CD74: variants seen among roughly 807,000 people sequenced by gnomAD.
CD74 encodes CD74 molecule, also known as HLA class II histocompatibility antigen gamma chain.
In CD74, 20 loss-of-function variants were observed where a neutral mutation model predicts 37.1. The observed-to-expected ratio is 0.54, with a 90% CI of 0.38 to 0.78. The LOEUF (loss-of-function observed/expected upper bound fraction) is 0.78. Among genes scored for constraint, CD74 ranks in the 30% least tolerant of loss-of-function variants. CD74 has a pLI of 0.00. For synonymous variants in CD74, 150 were observed against 152.0 expected, an observed-to-expected ratio of 0.99 and a Z score of 0.10; for missense variants, 338 against 389.5, an observed-to-expected ratio of 0.87 and a Z score of 1.11.
At chr5:150,404,892 C>T in intron 5 of CD74, 125 bp from the exon 6 acceptor site, 3 of 820,212 alleles carry the variant, frequency 3.7e-6, no homozygotes, top group Non-Finnish European at 2.0e-6. Context: ...GGTCCAGCTG[C>T]AGCCTGGTTC....
chr5:150,405,583 G>A (rs1210372308), intron 4 of CD74: 3 of 237,838 alleles, frequency 1.3e-5, no homozygotes, highest in Non-Finnish European at 2.1e-5. Flanking sequence ...CTGGTCACTT[G>A]TCTGTCTCCC....
In CD74 at chr5:150,407,514, C is replaced by G. The variant is rs1271238153; in HGVS notation, c.126-190G>C. Among the ~76,000 whole-genome samples, 3 of 152,174 alleles carry G rather than the reference C, an allele frequency of 2.0e-5. No individual in the cohort carries two copies. In the East Asian group the frequency reaches 5.8e-4, roughly 29 times the overall value. On this transcript the variant is annotated intron_variant, in intron 1 of 8. Transcript: ENST00000009530. The surrounding 1 kb of genome is among the most constrained non-coding windows in gnomAD (Gnocchi z 4.4). The stretch of plus-strand genomic sequence containing the variant: ...ACAGCTTGAAGACCTCACCCCACCC[C>G]TCCTTCCAACCATCGATGTGCCTGA...
chr5:150,410,575 T>G (rs1273665117), intron 1 of CD74, among the ~76,000 whole-genome samples: 1 of 152,110 alleles, frequency 6.6e-6, no homozygotes, highest in African/African-American at 2.4e-5. Flanking sequence ...TCTGCTTTTC[T>G]TCCTCTTTAT....
intron 1 of CD74, among the ~76,000 whole-genome samples, chr5:150,409,751 ATAAAT>A (rs1770228497): frequency 7.0e-6 from 1 of 143,848 alleles, no homozygotes; most frequent in East Asian, 2.0e-4. Context: ...ACTGTGAGAA[ATAAAT>A]TTCTGGGTGT....
In CD74 at chr5:150,401,733, G is replaced by A. The variant is rs1190324089; in HGVS notation, c.*507C>T. On this transcript the variant is annotated 3_prime_UTR_variant, in exon 9 of 9. Coordinates refer to ENST00000009530, the MANE Select transcript of CD74 (RefSeq NM_001025159.3). ...GAGGGAACTAGGGGTCGGCAGAAAG[G>A]ATTATGGGTGGAAAACATTGGCTCT... 1 of 592,860 alleles carries A rather than the reference G, an allele frequency of 1.7e-6. No homozygotes were observed. Among genetic ancestry groups the A allele is most frequent in the East Asian group, 2.8e-5 (1 of 35,880 alleles). The allele number at this position is 592,860 out of a possible 1,614,324, so 36.7% of individuals were successfully genotyped here.
At position 150,402,271 on chromosome 5, in the gene CD74, T is replaced by C. The variant is rs751854194; in HGVS notation, c.881-21A>G. 11 of 1,571,042 alleles carry C rather than the reference T, an allele frequency of 7.0e-6. No homozygotes were observed. The African/African-American group carries it at 1.5e-4, about 21-fold the overall frequency. On this transcript the variant is annotated intron_variant, in intron 8 of 8. Coordinates refer to ENST00000009530, the MANE Select transcript of CD74 (RefSeq NM_001025159.3). The surrounding 1 kb of genome is among the most constrained non-coding windows in gnomAD (Gnocchi z 4.2). ...GGGGACTGGAGAGAGAAGCAGCAGG[T>C]TGAGGTTGGGGTCACCCATTTGTTG...
At chr5:150,405,224 C>G in intron 4 of CD74, 44 bp from the exon 5 acceptor site, 3 of 1,546,370 alleles carry the variant, frequency 1.9e-6, no homozygotes, top group Non-Finnish European at 2.6e-6. Context: ...GAAGAGCTCC[C>G]TGGCAGGCAG....
At chr5:150,411,592 G>A (rs2151186166) in intron 1 of CD74, among the ~76,000 whole-genome samples, 1 of 152,332 alleles carries the variant, frequency 6.6e-6, no homozygotes, top group Non-Finnish European at 1.5e-5. Flanking sequence ...CCCTTTTTGA[G>A]GGAAACACAT....
chr5:150,404,994 G>T, intron 5 of CD74, 91 bp downstream of exon 5: 1 of 1,224,126 alleles, frequency 8.2e-7, no homozygotes, highest in Non-Finnish European at 1.2e-6. Context: ...CCTGAGAATG[G>T]CTTCCCCAGC....
At position 150,402,981 on chromosome 5, in the gene CD74, T is replaced by C; in HGVS notation, c.817+140A>G. The C allele has an allele frequency of 3.0e-6, 2 of 663,928 alleles. No homozygotes were observed. Among genetic ancestry groups the C allele is most frequent in the Middle Eastern group, 4.1e-4 (1 of 2,410 alleles). 41.1% of individuals were successfully genotyped at this position (663,928 alleles called of 1,614,324 possible). On this transcript the variant is annotated intron_variant, in intron 7 of 8. Coordinates refer to ENST00000009530, the MANE Select transcript of CD74 (RefSeq NM_001025159.3). The surrounding 1 kb of genome is among the most constrained non-coding windows in gnomAD (Gnocchi z 4.2). ...ACAGGTGGGTGGATGGATAAAGGGC[T>C]GGACGCATGACTACGTCACTGCCCC...
In CD74 at chr5:150,402,064, T is replaced by C. The variant is rs1056400; in HGVS notation, c.*176A>G. 173,199 of 1,538,994 alleles carry C rather than the reference T, an allele frequency of 0.11. 11,109 individuals carry two copies. Among genetic ancestry groups the C allele is most frequent in the East Asian group, 0.28 (11,341 of 40,896 alleles). On this transcript the variant is annotated 3_prime_UTR_variant, in exon 9 of 9. Coordinates refer to ENST00000009530, the MANE Select transcript of CD74 (RefSeq NM_001025159.3). The surrounding 1 kb of genome is among the most constrained non-coding windows in gnomAD (Gnocchi z 4.2). ...TGGGCAGCAGGGCCTTGCTGCATTGTTATCTGCTGTTCCGACTTGGTTTGT... is the reference window on the plus strand; with the variant it reads ...TGGGCAGCAGGGCCTTGCTGCATTGCTATCTGCTGTTCCGACTTGGTTTGT...
At chr5:150,409,704 CA>C (rs755621804) in intron 1 of CD74, among the ~76,000 whole-genome samples, 6,371 of 89,514 alleles carry the variant, frequency 0.071, 173 homozygotes, top group Non-Finnish European at 0.098. Context: ...AAAAACATAA[CA>C]AAAAAAAAAA....
At chr5:150,409,298 A>G (rs1352415424) in intron 1 of CD74, among the ~76,000 whole-genome samples, 2 of 152,000 alleles carry the variant, frequency 1.3e-5, no homozygotes, top group African/African-American at 4.8e-5. Context: ...AAGCCAAGAC[A>G]GGTAGATCAC....
At position 150,412,721 on chromosome 5, in the gene CD74, C is replaced by G; in HGVS notation, c.29G>C (p.Arg10Pro). ...ATCCATGACTGGCTTCTGATCTTCC[C>G]GACAGCTCCTGCTTCTCCTCCTGTG... MHRRRSRSC[R>P]EDQKPVMDDQ... The change falls in exon 1 of 9, where the codon CGG (arginine) becomes CCG (proline). Residue 10 changes from arginine to proline, a missense_variant. Coordinates refer to ENST00000009530, the MANE Select transcript of CD74 (RefSeq NM_001025159.3). 6.2e-7 allele frequency: 1 copy of G among 1,614,114 alleles called. No homozygotes were observed. Among genetic ancestry groups the G allele is most frequent in the Non-Finnish European group, 8.5e-7 (1 of 1,179,994 alleles).
intron 4 of CD74, chr5:150,406,042 A>G (rs1769940817): frequency 2.2e-6 from 1 of 464,240 alleles, no homozygotes; most frequent in Non-Finnish European, 4.0e-6. Context: ...AAGTGCTGAG[A>G]TTACAGGCAT....
intron 3 of CD74, 137 bp downstream of exon 3, chr5:150,406,744 T>C (rs1769985178): frequency 3.2e-6 from 2 of 615,930 alleles, no homozygotes; most frequent in Non-Finnish European, 5.7e-6. Flanking sequence ...CGATTCTTCC[T>C]GAGGCAGGCA....
Position 150,402,110 on chromosome 5 carries a change from G to A in CD74, c.*130C>T. On this transcript the variant is annotated 3_prime_UTR_variant, in exon 9 of 9. Coordinates refer to ENST00000009530, the MANE Select transcript of CD74 (RefSeq NM_001025159.3). The surrounding 1 kb of genome is among the most constrained non-coding windows in gnomAD (Gnocchi z 4.2). ...TTTGTCTTGTCCAAGGGTGACGAAA[G>A]AGCCAGGCACCAGGGTCTCATGGGA... 1 of 1,547,508 alleles carries A rather than the reference G, an allele frequency of 6.5e-7. No homozygotes were observed. Among genetic ancestry groups the A allele is most frequent in the South Asian group, 1.2e-5 (1 of 84,000 alleles).
At position 150,412,682 on chromosome 5, in the gene CD74, A is replaced by G. The variant is rs770099469; in HGVS notation, c.68T>C (p.Leu23Pro). The G allele has an allele frequency of 5.6e-6, 9 of 1,614,042 alleles. No individual in the cohort carries two copies. Among genetic ancestry groups the G allele is most frequent in the Non-Finnish European group, 5.9e-6 (7 of 1,179,998 alleles). The stretch of plus-strand genomic sequence containing the variant: ...GGGCAGTTGCTCATTGTTGGAGATA[A>G]GGTCGCGCTGGTCATCCATGACTGG... ...QKPVMDDQRD[L>P]ISNNEQLPML... Residue 23 changes from leucine (L) to proline (P), a missense_variant, in exon 1 of 9, where the codon CTT (leucine) becomes CCT (proline). By Grantham distance (98) the Leu-to-Pro change is moderately conservative. Transcript: ENST00000009530.
chr5:150,411,654 G>A (rs1049939892), intron 1 of CD74, among the ~76,000 whole-genome samples: 1 of 152,194 alleles, frequency 6.6e-6, no homozygotes, highest in African/African-American at 2.4e-5. Context: ...CCCCTGGATG[G>A]CTGTGCTGGC....
Sources: gnomAD v4.1 joint callset for allele counts (sites outside exome capture counted in the v4.1 genomes callset) on GRCh38, gnomAD v4.1.1 for gene constraint, Gnocchi (gnomAD v3.1) non-coding constraint, MANE v1.5 for transcripts, NCBI Gene and HGNC (gene_info 2026-07-23, HGNC 2026-07-21) for gene names.